Variants in MARCHF1 observed in about 807,000 individuals in gnomAD.
The protein encoded by MARCHF1 is E3 ubiquitin-protein ligase MARCHF1.
In MARCHF1, 40 loss-of-function variants were observed where a neutral mutation model predicts 54.2. The observed-to-expected ratio is 0.74, with a 90% confidence interval of 0.57 to 0.96. The LOEUF (loss-of-function observed/expected upper bound fraction) is 0.96, where lower values mean the gene tolerates loss of function less well. Among genes scored for constraint, MARCHF1 ranks in the 40% least tolerant of loss-of-function variants. The pLI, the probability that MARCHF1 is intolerant of heterozygous loss-of-function variation, is 0.00. For missense variants in MARCHF1, 586 were observed against 656.5 expected, an observed-to-expected ratio of 0.89 and a Z score of 1.17; for synonymous variants, 236 against 236.3, an observed-to-expected ratio of 1.00 and a Z score of 0.01.
intron 4 of MARCHF1, among the ~76,000 whole-genome samples, chr4:163,838,982 G>A (rs1579328808): frequency 6.6e-6 from 1 of 151,946 alleles, no homozygotes; most frequent in Non-Finnish European, 1.5e-5. Flanking sequence ...TAAACTAAAA[G>A]AAAATATTTG....
intron 5 of MARCHF1, among the ~76,000 whole-genome samples, chr4:163,669,316 G>A (rs1418249863): frequency 6.6e-6 from 1 of 152,094 alleles, no homozygotes; most frequent in African/African-American, 2.4e-5. Context: ...GCTTGCTCAT[G>A]CCAAGCAAGT....
At chr4:163,772,860 T>C (rs1190731561) in intron 4 of MARCHF1, among the ~76,000 whole-genome samples, 2 of 152,152 alleles carry the variant, frequency 1.3e-5, no homozygotes, top group Admixed American at 1.3e-4. Context: ...AAATTCTGCC[T>C]GCTGCACATT....
intron 3 of MARCHF1, among the ~76,000 whole-genome samples, chr4:163,913,506 C>T (rs188513525): frequency 6.6e-6 from 1 of 152,284 alleles, no homozygotes; most frequent in East Asian, 1.9e-4. Flanking sequence ...ATTTTCCCTA[C>T]ATCCCACTAC....
At chr4:164,272,277 T>A (rs1733762660) in intron 1 of MARCHF1, among the ~76,000 whole-genome samples, 1 of 151,968 alleles carries the variant, frequency 6.6e-6, no homozygotes, top group Admixed American at 6.6e-5. Flanking sequence ...TAGTATGTAC[T>A]CAAGAGAAAC....
chr4:164,219,225 A>ATGTT (rs1732022200), intron 1 of MARCHF1, among the ~76,000 whole-genome samples: 1 of 66,168 alleles, frequency 1.5e-5, no homozygotes, highest in East Asian at 3.6e-4. Context: ...TTAAAATTAA[A>ATGTT]TATTTATATA....
chr4:163,921,984 G>A (rs1579394030), intron 3 of MARCHF1, among the ~76,000 whole-genome samples: 1 of 152,084 alleles, frequency 6.6e-6, no homozygotes, highest in African/African-American at 2.4e-5. Context: ...GTCCAACAAT[G>A]ATAGACTGGA....
At chr4:163,948,381 C>T (rs1332353828) in intron 3 of MARCHF1, among the ~76,000 whole-genome samples, 2 of 152,208 alleles carry the variant, frequency 1.3e-5, no homozygotes, top group Non-Finnish European at 2.9e-5. Flanking sequence ...GAAGAGTAAT[C>T]TTCTACGCAT....
intron 1 of MARCHF1, among the ~76,000 whole-genome samples, chr4:164,274,911 C>T (rs1348188520): frequency 6.6e-6 from 1 of 150,708 alleles, no homozygotes; most frequent in Non-Finnish European, 1.5e-5. Context: ...CTCCTGACCT[C>T]GTGATCCACC....
chr4:163,840,665 G>C (rs928309990), intron 4 of MARCHF1, among the ~76,000 whole-genome samples: 1 of 151,982 alleles, frequency 6.6e-6, no homozygotes, highest in African/African-American at 2.4e-5. Context: ...AGAGATGCTC[G>C]TCAAAATACA....
chr4:163,826,281 A>G (rs1311401101), intron 4 of MARCHF1, among the ~76,000 whole-genome samples: 1 of 152,062 alleles, frequency 6.6e-6, no homozygotes, highest in Non-Finnish European at 1.5e-5. Context: ...CCCACTGTAG[A>G]TCCAACAGTT....
intron 1 of MARCHF1, among the ~76,000 whole-genome samples, chr4:164,129,217 T>C (rs1346645159): frequency 6.6e-6 from 1 of 152,158 alleles, no homozygotes; most frequent in Non-Finnish European, 1.5e-5. Flanking sequence ...GAATAATGAT[T>C]AAGAAGGAGG....
chr4:164,307,830 A>C (rs1734736279), intron 1 of MARCHF1, among the ~76,000 whole-genome samples: 1 of 152,238 alleles, frequency 6.6e-6, no homozygotes, highest in Non-Finnish European at 1.5e-5. Context: ...TAACAAGACC[A>C]GGTAAGCCAT....
intron 1 of MARCHF1, among the ~76,000 whole-genome samples, chr4:164,363,609 G>C (rs1730790280): frequency 6.6e-6 from 1 of 152,040 alleles, no homozygotes; most frequent in Non-Finnish European, 1.5e-5. Flanking sequence ...ATTTTTGGGG[G>C]GAAAAAGGAC....
chr4:164,235,762 T>TAA (rs144662982), intron 1 of MARCHF1, among the ~76,000 whole-genome samples: 126 of 151,632 alleles, frequency 8.3e-4, no homozygotes, highest in Non-Finnish European at 1.3e-3. Flanking sequence ...GCCCTGGGGA[T>TAA]AAAAAAAACC....
chr4:164,140,729 C>G (rs1386615674), intron 1 of MARCHF1, among the ~76,000 whole-genome samples: 1 of 150,246 alleles, frequency 6.7e-6, no homozygotes, highest in Non-Finnish European at 1.5e-5. Context: ...TGATGGAACC[C>G]CCAGTGTTTT....
At chr4:164,266,624 T>C (rs916006398) in intron 1 of MARCHF1, among the ~76,000 whole-genome samples, 2 of 152,162 alleles carry the variant, frequency 1.3e-5, no homozygotes, top group African/African-American at 4.8e-5. Flanking sequence ...ATTTGTGAAT[T>C]AAATATTTAT....
chr4:164,163,734 A>C (rs1427771601), intron 1 of MARCHF1, among the ~76,000 whole-genome samples: 1 of 151,956 alleles, frequency 6.6e-6, no homozygotes. Context: ...GTATCAACCT[A>C]CTTAAAGTAA....
At chr4:164,020,716 A>G (rs13139807) in intron 2 of MARCHF1, among the ~76,000 whole-genome samples, 114,800 of 152,030 alleles carry the variant, frequency 0.76, 43,770 homozygotes, top group Non-Finnish European at 0.81. Flanking sequence ...AGATTGCTGG[A>G]GCTCAGGAGT....
chr4:164,194,036 A>C (rs1166942319), intron 1 of MARCHF1, among the ~76,000 whole-genome samples: 1 of 152,086 alleles, frequency 6.6e-6, no homozygotes, highest in Non-Finnish European at 1.5e-5. Flanking sequence ...TCTCTCTCAA[A>C]AGTGGGTAAT....
Sources: allele counts gnomAD v4.1 joint callset (sites outside exome capture counted in the v4.1 genomes callset), GRCh38; gene constraint gnomAD v4.1.1; transcripts MANE v1.5; gene names NCBI Gene and HGNC (gene_info 2026-07-23, HGNC 2026-07-21).